The following RARS2 variants were observed in gnomAD, a reference collection of about 807,000 sequenced individuals.
The protein encoded by RARS2 is probable arginine--tRNA ligase, mitochondrial.
In RARS2, 67 loss-of-function variants were observed where a neutral mutation model predicts 88.5. The ratio of observed to expected loss-of-function variants is 0.76; its 90% confidence interval spans 0.62 to 0.93. The LOEUF is 0.93. Ranked by LOEUF, RARS2 falls within the 40% of genes least tolerant of loss-of-function variation. The pLI, the probability that RARS2 is intolerant of heterozygous loss-of-function variation, is 0.00. For synonymous variants in RARS2, 239 were observed against 230.3 expected, an observed-to-expected ratio of 1.04 and a Z score of -0.34; for missense variants, 664 against 684.2, an observed-to-expected ratio of 0.97 and a Z score of 0.33.
At chr6:87,583,165 G>C (rs144014976) in intron 1 of RARS2, among the ~76,000 whole-genome samples, 2 of 152,302 alleles carry the variant, frequency 1.3e-5, no homozygotes, top group Admixed American at 6.5e-5. Context: ...TATACAGAAC[G>C]ATGAAGGAAA....
At chr6:87,514,824 T>C (rs1771002565) in intron 19 of RARS2, 133 bp downstream of exon 19, 1 of 779,796 alleles carries the variant, frequency 1.3e-6, no homozygotes, top group Middle Eastern at 2.2e-4. Context: ...TGTTACAGCC[T>C]AATTATTAGC....
chr6:87,564,031 A>T, intron 3 of RARS2, 99 bp downstream of exon 3: 1 of 857,876 alleles, frequency 1.2e-6, no homozygotes, highest in Non-Finnish European at 1.9e-6. Context: ...TCAAAGAAAC[A>T]CTATTAAATT....
At chr6:87,564,712 T>C in intron 2 of RARS2, 2 of 238,648 alleles carry the variant, frequency 8.4e-6, no homozygotes, top group South Asian at 4.5e-5. Context: ...AAAACAAAAT[T>C]AAAAGCAAGA....
chr6:87,566,306 T>C (rs923771246), intron 2 of RARS2, among the ~76,000 whole-genome samples: 2 of 152,246 alleles, frequency 1.3e-5, no homozygotes, highest in Non-Finnish European at 2.9e-5. Flanking sequence ...TATAGCTATG[T>C]CTTTTTAAAC....
intron 1 of RARS2, among the ~76,000 whole-genome samples, chr6:87,576,028 G>A (rs1026377827): frequency 1.3e-5 from 2 of 150,930 alleles, no homozygotes; most frequent in African/African-American, 4.9e-5. Flanking sequence ...TCGAACTCCT[G>A]ACCTCAAGTG....
intron 5 of RARS2, 116 bp from the exon 6 acceptor site, chr6:87,548,762 C>A: frequency 2.2e-6 from 2 of 899,212 alleles, no homozygotes; most frequent in Non-Finnish European, 3.4e-6. Context: ...GGTATTAGGG[C>A]AAAGATAAGT....
intron 18 of RARS2, chr6:87,515,958 G>GAAAAAAAAAAAAAAAAAAAAAAAAA (rs10605334): frequency 7.6e-6 from 1 of 131,580 alleles, no homozygotes; most frequent in African/African-American, 2.7e-5. Flanking sequence ...TCAAAAAAAA[G>GAAAAAAAAAAAAAAAAAAAAAAAAA]AAAAAAAAAA....
intron 11 of RARS2, among the ~76,000 whole-genome samples, 179 bp from the exon 12 acceptor site, chr6:87,521,703 T>C (rs950876230): frequency 2.0e-5 from 3 of 151,870 alleles, no homozygotes; most frequent in Non-Finnish European, 4.4e-5. Context: ...ATGATAAAAA[T>C]AGGTTTGGGA....
At chr6:87,584,697 G>A (rs1774598299) in intron 1 of RARS2, 1 of 468,758 alleles carries the variant, frequency 2.1e-6, no homozygotes, top group Non-Finnish European at 4.3e-6. Flanking sequence ...GAAGAAAGCA[G>A]CTGACAAACC....
intron 7 of RARS2, among the ~76,000 whole-genome samples, chr6:87,543,532 T>G (rs1781686888): frequency 1.4e-5 from 2 of 145,136 alleles, no homozygotes. Flanking sequence ...TCCCAGCTAC[T>G]CGGGAGGCTG....
chr6:87,516,578 C>T (rs919788377), intron 18 of RARS2, among the ~76,000 whole-genome samples: 3 of 152,206 alleles, frequency 2.0e-5, no homozygotes, highest in Non-Finnish European at 4.4e-5. Context: ...ATGCACTGTG[C>T]TGTAACTGTA....
chr6:87,565,122 C>A (rs1343085896), intron 2 of RARS2, among the ~76,000 whole-genome samples: 2 of 152,104 alleles, frequency 1.3e-5, no homozygotes, highest in Non-Finnish European at 2.9e-5. Flanking sequence ...GTCTGGCAAG[C>A]TAAATGTCTC....
chr6:87,566,585 A>C (rs777100175), intron 2 of RARS2, among the ~76,000 whole-genome samples: 2 of 152,152 alleles, frequency 1.3e-5, no homozygotes, highest in Non-Finnish European at 1.5e-5. Context: ...CAGTGGCTCA[A>C]GCCTGTAATT....
intron 1 of RARS2, among the ~76,000 whole-genome samples, chr6:87,577,109 A>G (rs1268639788): frequency 6.6e-6 from 1 of 152,228 alleles, no homozygotes; most frequent in East Asian, 1.9e-4. Context: ...ATTTGCATCC[A>G]TGGTATCAGA....
chr6:87,589,376 A>G (rs934502292), intron 1 of RARS2, among the ~76,000 whole-genome samples: 6 of 152,210 alleles, frequency 3.9e-5, no homozygotes, highest in African/African-American at 1.4e-4. Flanking sequence ...CAAAGCAATT[A>G]TATTGCAATT....
At chr6:87,545,964 G>T (rs1274041190) in intron 6 of RARS2, among the ~76,000 whole-genome samples, 2 of 151,410 alleles carry the variant, frequency 1.3e-5, no homozygotes, top group African/African-American at 4.9e-5. Context: ...AGGATTTGAG[G>T]ACATGTTAGA....
At chr6:87,519,503 T>A in intron 14 of RARS2, 80 bp downstream of exon 14, 2 of 1,469,840 alleles carry the variant, frequency 1.4e-6, no homozygotes, top group Non-Finnish European at 9.5e-7. Flanking sequence ...ACAGACATAA[T>A]AAATCACACT....
intron 12 of RARS2, 139 bp from the exon 13 acceptor site, chr6:87,520,395 GA>G: frequency 1.4e-6 from 1 of 690,576 alleles, no homozygotes; most frequent in Non-Finnish European, 2.5e-6. Flanking sequence ...TAAACACAAA[GA>G]GGATGCCACA....
chr6:87,560,843 G>A (rs747367262), intron 4 of RARS2, among the ~76,000 whole-genome samples: 2 of 152,146 alleles, frequency 1.3e-5, no homozygotes, highest in Non-Finnish European at 2.9e-5. Flanking sequence ...AGCAAAGATC[G>A]TGCCATTGCA....
Sources: allele counts gnomAD v4.1 joint callset (sites outside exome capture counted in the v4.1 genomes callset), GRCh38; gene constraint gnomAD v4.1.1; transcripts MANE v1.5; gene names NCBI Gene and HGNC (gene_info 2026-07-23, HGNC 2026-07-21).